Variants in SYDE2 observed in about 807,000 individuals in gnomAD.
SYDE2 encodes the protein rho GTPase-activating protein SYDE2.
A neutral mutation model predicts 91.5 loss-of-function variants in SYDE2; 76 were observed. The observed-to-expected ratio is 0.83, with a 90% CI of 0.69 to 1.01. SYDE2 has a LOEUF of 1.01. Among genes scored for constraint, SYDE2 ranks in the 50% least tolerant of loss-of-function variants. SYDE2 has a pLI of 0.00. For missense variants in SYDE2, 1,364 were observed against 1,367.7 expected (o/e 1.00, Z 0.04); for synonymous variants, 513 against 506.4 (o/e 1.01, Z -0.18).
At chr1:85,169,731 G>C (rs1657432230) in intron 4 of SYDE2, among the ~76,000 whole-genome samples, 1 of 152,050 alleles carries the variant, frequency 6.6e-6, no homozygotes, top group South Asian at 2.1e-4. Context: ...CGATATATTG[G>C]ATGGCTGGAT....
chr1:85,193,649 G>T (rs560238621), intron 1 of SYDE2, among the ~76,000 whole-genome samples: 14 of 151,962 alleles, frequency 9.2e-5, no homozygotes, highest in African/African-American at 2.9e-4. Flanking sequence ...ACTAGATAGG[G>T]TCTCACTCTT....
chr1:85,182,740 G>A lies in SYDE2; in HGVS notation c.1902C>T (p.Ser634=). ...CAAATTTGTTTTCAGATCCATGTTT[G>A]CTAGCTTTAGTTGTAAGTTCAGGTG... The part of the protein sequence containing the change: ...GDSPELTTKA[S]KHGSENKFGK... Residue 634 remains serine, a synonymous_variant, in exon 3 of 7, where the codon AGC becomes AGT. Transcript: ENST00000341460. The A allele has an allele frequency of 6.2e-7, 1 of 1,613,778 alleles. No homozygotes were observed. Among genetic ancestry groups the A allele is most frequent in the Non-Finnish European group, 8.5e-7 (1 of 1,179,838 alleles).
chr1:85,177,283 T>C (rs1306427804), intron 4 of SYDE2, among the ~76,000 whole-genome samples: 1 of 152,210 alleles, frequency 6.6e-6, no homozygotes, highest in African/African-American at 2.4e-5. Flanking sequence ...ATGCCATACA[T>C]TGAATTACAG....
chr1:85,192,613 C>G (rs937691588), intron 1 of SYDE2, among the ~76,000 whole-genome samples: 2 of 152,116 alleles, frequency 1.3e-5, no homozygotes, highest in African/African-American at 4.8e-5. Flanking sequence ...TTTATTTACT[C>G]CACAAATGAG....
At chr1:85,191,053 T>C (rs1453241324) in intron 1 of SYDE2, among the ~76,000 whole-genome samples, 1 of 152,024 alleles carries the variant, frequency 6.6e-6, no homozygotes, top group East Asian at 1.9e-4. Context: ...AAAACATACC[T>C]TATAAAAAGT....
chr1:85,193,837 A>G (rs948904569), intron 1 of SYDE2, among the ~76,000 whole-genome samples: 1 of 152,062 alleles, frequency 6.6e-6, no homozygotes, highest in African/African-American at 2.4e-5. Flanking sequence ...TATGTTGCCT[A>G]GGCTGGTCTG....
At position 85,161,175 on chromosome 1, in the gene SYDE2, A is replaced by G. The variant is rs976816073; in HGVS notation, c.3086-1926T>C. On this transcript the variant is annotated intron_variant, in intron 6 of 6. Coordinates refer to ENST00000341460, the MANE Select transcript of SYDE2 (RefSeq NM_032184.2). Reference sequence around the variant, plus strand: ...TTGCTGAAAAAGAATTCAAAATGTAATAAGTACTAAGAAACTTAATTTTTC... The same window carrying G: ...TTGCTGAAAAAGAATTCAAAATGTAGTAAGTACTAAGAAACTTAATTTTTC... The G allele has an allele frequency of 1.0e-5, 9 of 890,224 alleles. No homozygotes were observed. In the African/African-American group the frequency reaches 1.4e-4, roughly 14 times the overall value. The allele number at this position is 890,224 out of a possible 1,614,324, so 55.1% of individuals were successfully genotyped here.
intron 1 of SYDE2, among the ~76,000 whole-genome samples, chr1:85,191,757 C>CA (rs534474157): frequency 0.39 from 36,131 of 93,152 alleles, 5,294 homozygotes; most frequent in Middle Eastern, 0.44. Flanking sequence ...GATTCCGTCT[C>CA]AAAAAAAAAA....
chr1:85,176,372 T>A (rs1657697310), intron 4 of SYDE2, among the ~76,000 whole-genome samples: 1 of 152,154 alleles, frequency 6.6e-6, no homozygotes, highest in Non-Finnish European at 1.5e-5. Context: ...TGTTTTATCT[T>A]ACTAAAATGC....
chr1:85,172,778 A>G (rs898056410), intron 4 of SYDE2, among the ~76,000 whole-genome samples: 1 of 152,218 alleles, frequency 6.6e-6, no homozygotes, highest in African/African-American at 2.4e-5. Flanking sequence ...TAAAGCTGCT[A>G]GACCTTGCAG....
rs947531427 is a variant in SYDE2 at position 85,182,730 on chromosome 1, A to T, written c.1912T>A (p.Ser638Thr). Residue 638 changes from serine to threonine, a missense_variant, in exon 3 of 7, where the codon TCT becomes ACT. Ser to Thr is a moderately conservative substitution (Grantham distance 58). Coordinates refer to ENST00000341460, the MANE Select transcript of SYDE2 (RefSeq NM_032184.2). ...TTTCCTTTTCCAAATTTGTTTTCAG[A>T]TCCATGTTTGCTAGCTTTAGTTGTA... ...ELTTKASKHG[S>T]ENKFGKGKEI... The T allele has an allele frequency of 6.2e-6, 10 of 1,613,716 alleles. No individual in the cohort carries two copies. Among genetic ancestry groups the T allele is most frequent in the South Asian group, 2.2e-5 (2 of 91,070 alleles).
intron 6 of SYDE2, chr1:85,160,470 T>G: frequency 1.0e-6 from 1 of 957,536 alleles, no homozygotes; most frequent in Non-Finnish European, 1.2e-6. Context: ...CAAAATTTCT[T>G]GATCTAAAAT....
rs753480006 is a variant in SYDE2 at position 85,158,785 on chromosome 1, C to T, written c.3550G>A (p.Glu1184Lys). The T allele has an allele frequency of 2.6e-6, 2 of 758,422 alleles. No homozygotes were observed. The highest frequency in any genetic ancestry group is 3.7e-5 in the Admixed American group (2 of 53,442). 47.0% of individuals were successfully genotyped at this position (758,422 alleles called of 1,614,324 possible). A position where few individuals can be genotyped will look rare whatever the true frequency, so the allele number is the denominator to read the frequency against. ...IDTLIGNLERELNKNKLNMSF is the reference protein window; with the variant it reads ...IDTLIGNLERKLNKNKLNMSF ...ATATTAAGCTTGTTTTTGTTGAGCT[C>T]ACGTTCCAGATTTCCAATCAAAGTA... The change falls in exon 7 of 7, where the codon GAG (glutamate) becomes AAG (lysine). Residue 1184 changes from glutamate (E) to lysine (K), a missense_variant. Physicochemically the swap from Glu to Lys is moderately conservative, Grantham distance 56. Coordinates refer to ENST00000341460, the MANE Select transcript of SYDE2 (RefSeq NM_032184.2).
At chr1:85,197,317 G>A (rs1658624997) in intron 1 of SYDE2, among the ~76,000 whole-genome samples, 1 of 152,090 alleles carries the variant, frequency 6.6e-6, no homozygotes, top group Non-Finnish European at 1.5e-5. Flanking sequence ...AATCATTTGT[G>A]TTTCCATTTG....
At chr1:85,156,818 GAATATT>G (rs1656893092), downstream of SYDE2, 1 of 151,998 alleles carries the variant, frequency 6.6e-6, no homozygotes, top group South Asian at 2.1e-4. Context: ...TGCTTAAAAA[GAATATT>G]AAAATAAGTG....
intron 1 of SYDE2, among the ~76,000 whole-genome samples, chr1:85,196,774 A>C (rs1658602763): frequency 6.6e-6 from 1 of 152,226 alleles, no homozygotes; most frequent in African/African-American, 2.4e-5. Flanking sequence ...AAGATTATGC[A>C]ATTCATAAAG....
chr1:85,170,068 T>G (rs1479813716), intron 4 of SYDE2, among the ~76,000 whole-genome samples: 1 of 151,772 alleles, frequency 6.6e-6, no homozygotes, highest in Admixed American at 6.6e-5. Flanking sequence ...CTCTCAGCCT[T>G]GCTTAGTTTG....
In SYDE2 at chr1:85,190,136, C is replaced by T. The variant is rs890354131; in HGVS notation, c.1362G>A (p.Gln454=). ...HPAHSTEFVQ[Q]YKQKLGHKTQ... is the part of the protein sequence containing the mutation. ...TCTTGTGTCCTAGCTTTTGCTTGTA[C>T]TGCTGCACAAATTCTGTGGAATGGG... The change falls in exon 2 of 7, where the codon CAG becomes CAA. Residue 454 remains glutamine, a synonymous_variant. Transcript: ENST00000341460. 6.2e-7 allele frequency: 1 copy of T among 1,613,876 alleles called. No homozygotes were observed. The highest frequency in any genetic ancestry group is 8.5e-7 in the Non-Finnish European group (1 of 1,179,888).
Position 85,200,083 on chromosome 1 carries a change from C to T in SYDE2, c.745+169G>A, listed in dbSNP as rs1363182790. On this transcript the variant is annotated intron_variant, in intron 1 of 6. Transcript: ENST00000341460. ...AAAAGCAAAACGAGTAAATGCATTA[C>T]ATTAAGTAACCCCGAAATTACTTTA... 5.4e-6 allele frequency: 5 copies of T among 927,246 alleles called. No homozygotes were observed. The African/African-American group carries it at 8.9e-5, about 17-fold the overall frequency. The allele number at this position is 927,246 out of a possible 1,614,324, so 57.4% of individuals were successfully genotyped here.
Sources: gnomAD v4.1 joint callset for allele counts (sites outside exome capture counted in the v4.1 genomes callset) on GRCh38, gnomAD v4.1.1 for gene constraint, MANE v1.5 for transcripts, NCBI Gene and HGNC (gene_info 2026-07-23, HGNC 2026-07-21) for gene names.